FHIP1A: variants seen among roughly 807,000 people sequenced by gnomAD.
FHIP1A encodes the protein FHF complex subunit HOOK-interacting protein 1A.
A neutral mutation model predicts 88.6 loss-of-function variants in FHIP1A; 61 were observed. The observed-to-expected ratio is 0.69, with a 90% CI of 0.56 to 0.85. The LOEUF (loss-of-function observed/expected upper bound fraction) is 0.85. FHIP1A is among the 40% of genes least tolerant of loss of function. The pLI, the probability that FHIP1A is intolerant of heterozygous loss-of-function variation, is 0.00. For synonymous variants in FHIP1A, 478 were observed against 496.0 expected, an observed-to-expected ratio of 0.96 and a Z score of 0.48; for missense variants, 1,154 against 1,273.5, an observed-to-expected ratio of 0.91 and a Z score of 1.43.
chr4:151,555,322 C>T (rs1732905155), intron 3 of FHIP1A, among the ~76,000 whole-genome samples: 1 of 152,142 alleles, frequency 6.6e-6, no homozygotes, highest in Admixed American at 6.6e-5. Flanking sequence ...TTAGAGGCAT[C>T]TGGCATCAAA....
At chr4:151,635,309 G>A (rs944980781) in intron 8 of FHIP1A, among the ~76,000 whole-genome samples, 2 of 151,898 alleles carry the variant, frequency 1.3e-5, no homozygotes, top group Non-Finnish European at 2.9e-5. Flanking sequence ...ATGGAAAACA[G>A]CATGGAGGTT....
chr4:151,526,476 G>A (rs1731647975), intron 3 of FHIP1A, among the ~76,000 whole-genome samples: 1 of 147,838 alleles, frequency 6.8e-6, no homozygotes, highest in Non-Finnish European at 1.5e-5. Context: ...GCGGCTGGCC[G>A]GGCGGGGGGC....
At chr4:151,445,947 A>G (rs1162237891) in intron 1 of FHIP1A, among the ~76,000 whole-genome samples, 2 of 150,510 alleles carry the variant, frequency 1.3e-5, no homozygotes, top group Admixed American at 6.7e-5. Context: ...GTGTAATCAT[A>G]TAATCATGAG....
chr4:151,543,018 A>G (rs907699750), intron 3 of FHIP1A, among the ~76,000 whole-genome samples: 4 of 152,216 alleles, frequency 2.6e-5, no homozygotes, highest in African/African-American at 4.8e-5. Flanking sequence ...ATGCCCTTCT[A>G]ATAATTATGT....
At chr4:151,537,536 G>A (rs1222359125) in intron 3 of FHIP1A, among the ~76,000 whole-genome samples, 6 of 152,114 alleles carry the variant, frequency 3.9e-5, no homozygotes, top group African/African-American at 1.2e-4. Context: ...ATTTTTGCCA[G>A]TCTGTAGTTT....
At chr4:151,509,215 T>A (rs1310365668) in intron 3 of FHIP1A, among the ~76,000 whole-genome samples, 3 of 152,098 alleles carry the variant, frequency 2.0e-5, no homozygotes, top group African/African-American at 4.8e-5. Flanking sequence ...CAGGCTGGAG[T>A]GCAGTGGCGT....
In FHIP1A at chr4:151,623,177, G is replaced by A. The variant is rs184181267; in HGVS notation, c.979-6525G>A. On this transcript the variant is annotated intron_variant, in intron 7 of 13. Coordinates refer to ENST00000435205, the MANE Select transcript of FHIP1A (RefSeq NM_001109977.3). ...TGACAGCTTTATTCTTGTTCTGTCA[G>A]TATTGGTCAGCTTGTCCTGTGGGAT... Among the ~76,000 whole-genome samples the A allele has an allele frequency of 3.1e-3, 475 of 152,328 alleles. 6 individuals carry two copies. The highest frequency in any genetic ancestry group is 0.027 in the Admixed American group (416 of 15,298).
At chr4:151,619,166 C>G (rs1042412659) in intron 7 of FHIP1A, among the ~76,000 whole-genome samples, 2 of 152,126 alleles carry the variant, frequency 1.3e-5, no homozygotes. Flanking sequence ...GTAGACTTCT[C>G]AAGACATCCA....
intron 1 of FHIP1A, among the ~76,000 whole-genome samples, chr4:151,412,761 C>T (rs993363350): frequency 2.7e-5 from 4 of 148,932 alleles, no homozygotes; most frequent in Admixed American, 2.0e-4. Flanking sequence ...CTCAGCTCAC[C>T]GCAACCTCTG....
intron 7 of FHIP1A, among the ~76,000 whole-genome samples, chr4:151,628,000 G>A (rs935187690): frequency 2.6e-5 from 4 of 152,162 alleles, no homozygotes; most frequent in Non-Finnish European, 4.4e-5. Flanking sequence ...AAAGACGGAA[G>A]TAGTTTGTTT....
chr4:151,471,056 G>GA (rs1240651321), intron 2 of FHIP1A, among the ~76,000 whole-genome samples: 1 of 152,094 alleles, frequency 6.6e-6, no homozygotes, highest in African/African-American at 2.4e-5. Context: ...AATCTGAGGG[G>GA]AATCTTAGTA....
At chr4:151,415,119 T>A (rs935167957) in intron 1 of FHIP1A, among the ~76,000 whole-genome samples, 9 of 151,924 alleles carry the variant, frequency 5.9e-5, no homozygotes, top group African/African-American at 1.9e-4. Flanking sequence ...TACATGCACA[T>A]CATTCTCATT....
intron 7 of FHIP1A, among the ~76,000 whole-genome samples, chr4:151,622,552 T>C (rs893389425): frequency 1.3e-5 from 2 of 152,112 alleles, no homozygotes; most frequent in African/African-American, 2.4e-5. Flanking sequence ...GCTTGGACCA[T>C]CTGGAGTTAG....
chr4:151,651,093 A>G (rs774786549), intron 11 of FHIP1A, among the ~76,000 whole-genome samples: 21 of 152,214 alleles, frequency 1.4e-4, no homozygotes, highest in Non-Finnish European at 2.6e-4. Context: ...TGCACACATC[A>G]GAGGCATTGG....
intron 3 of FHIP1A, among the ~76,000 whole-genome samples, chr4:151,550,357 G>A (rs1157879084): frequency 6.6e-6 from 1 of 152,002 alleles, no homozygotes; most frequent in Non-Finnish European, 1.5e-5. Flanking sequence ...GTACCCATTA[G>A]CCATCCGCAC....
chr4:151,485,211 A>T (rs1175718550), intron 3 of FHIP1A, among the ~76,000 whole-genome samples: 1 of 149,014 alleles, frequency 6.7e-6, no homozygotes, highest in Non-Finnish European at 1.5e-5. Context: ...TAATTAATTC[A>T]TCCATTTTGG....
intron 3 of FHIP1A, among the ~76,000 whole-genome samples, chr4:151,517,405 ACTAACCT>A: frequency 6.6e-6 from 1 of 152,290 alleles, no homozygotes; most frequent in East Asian, 1.9e-4. Flanking sequence ...TACATATGTA[ACTAACCT>A]GCACATTGTG....
At chr4:151,620,821 T>C (rs1335001721) in intron 7 of FHIP1A, among the ~76,000 whole-genome samples, 1 of 150,766 alleles carries the variant, frequency 6.6e-6, no homozygotes, top group African/African-American at 2.4e-5. Context: ...ATTGGGTTCT[T>C]AAGCATCAGA....
rs1039950889 is a variant in FHIP1A, at chr4:151,438,596, G to T, written c.-355-16105G>T. On this transcript the variant is annotated intron_variant, in intron 1 of 13. Transcript: ENST00000435205. ...ATTAGATTGGTGCAAAAGTAATTGCGGTTTTTGCCTTTTTTTTTTTTTTTT... is the reference window on the plus strand; with the variant it reads ...ATTAGATTGGTGCAAAAGTAATTGCTGTTTTTGCCTTTTTTTTTTTTTTTT... Among the ~76,000 whole-genome samples the T allele has an allele frequency of 2.1e-4, 27 of 125,846 alleles. No individual in the cohort carries two copies. The Admixed American group carries it at 2.2e-3, about 10-fold the overall frequency. 82.6% of individuals were successfully genotyped at this position (125,846 alleles called of 152,430 possible).
Sources: gnomAD v4.1 joint callset for allele counts (sites outside exome capture counted in the v4.1 genomes callset) on GRCh38, gnomAD v4.1.1 for gene constraint, MANE v1.5 for transcripts, NCBI Gene and HGNC (gene_info 2026-07-23, HGNC 2026-07-21) for gene names.